The following EPB41 variants were observed in gnomAD, a reference collection of about 807,000 sequenced individuals.
The protein encoded by EPB41 is erythrocyte membrane protein band 4.1, also known as protein 4.1.
Under a neutral mutation model 108.0 loss-of-function variants are expected in EPB41, and 65 were observed. The ratio of observed to expected loss-of-function variants is 0.60; its 90% confidence interval spans 0.49 to 0.74. The LOEUF (loss-of-function observed/expected upper bound fraction) is 0.74. Among genes scored for constraint, EPB41 ranks in the 30% least tolerant of loss-of-function variants. The pLI is 0.00. For synonymous variants in EPB41, 336 were observed against 358.9 expected (o/e 0.94, Z 0.72); for missense variants, 875 against 1,037.0 (o/e 0.84, Z 2.15).
chr1:28,896,357 C>A (rs1317151731), intron 1 of EPB41, among the ~76,000 whole-genome samples: 1 of 152,210 alleles, frequency 6.6e-6, no homozygotes, highest in African/African-American at 2.4e-5. Context: ...GTCTGACAGA[C>A]TCCTGAAGGC....
At chr1:28,927,607 C>T (rs2093520769) in intron 1 of EPB41, among the ~76,000 whole-genome samples, 1 of 152,122 alleles carries the variant, frequency 6.6e-6, no homozygotes, top group East Asian at 1.9e-4. Context: ...GTTTTACATC[C>T]AATCTACAAG....
chr1:29,016,662 C>T (rs1030432206), intron 6 of EPB41, among the ~76,000 whole-genome samples: 2 of 152,032 alleles, frequency 1.3e-5, no homozygotes, highest in Non-Finnish European at 2.9e-5. Flanking sequence ...CTACTGATGT[C>T]TTTTAAGAAA....
chr1:28,924,503 C>T (rs2093330476), intron 1 of EPB41, among the ~76,000 whole-genome samples: 1 of 151,698 alleles, frequency 6.6e-6, no homozygotes, highest in Non-Finnish European at 1.5e-5. Flanking sequence ...CACTCCAGCT[C>T]TGGGTGACAG....
chr1:29,103,773 T>C (rs1666218695), intron 17 of EPB41, among the ~76,000 whole-genome samples: 1 of 152,164 alleles, frequency 6.6e-6, no homozygotes, highest in Non-Finnish European at 1.5e-5. Flanking sequence ...GTTCAAGCAA[T>C]TCTCCAGCCT....
At chr1:29,088,267 A>G (rs531182488) in intron 16 of EPB41, among the ~76,000 whole-genome samples, 14 of 151,994 alleles carry the variant, frequency 9.2e-5, no homozygotes, top group African/African-American at 3.1e-4. Flanking sequence ...GGCTGGTCCT[A>G]AGCTCCTGAC....
At chr1:28,995,865 A>T (rs1005718000) in intron 3 of EPB41, among the ~76,000 whole-genome samples, 9 of 152,214 alleles carry the variant, frequency 5.9e-5, no homozygotes, top group Admixed American at 3.3e-4. Flanking sequence ...GAATGAAAAC[A>T]TGGGAGAAAA....
At chr1:29,064,715 A>G (rs1647048119) in intron 15 of EPB41, among the ~76,000 whole-genome samples, 1 of 152,216 alleles carries the variant, frequency 6.6e-6, no homozygotes, top group South Asian at 2.1e-4. Context: ...ATCATAAATT[A>G]AGGCGTGAGT....
rs60265301 is a variant in EPB41, at chr1:29,033,993, T to C, written c.1365+748T>C. On this transcript the variant is annotated intron_variant, in intron 9 of 20. Transcript: ENST00000343067. ...AGATGACAGCTGTGTAAGTTCTATATAGGAAATGATACTAACCTAAGGTGG... is the reference window on the plus strand; with the variant it reads ...AGATGACAGCTGTGTAAGTTCTATACAGGAAATGATACTAACCTAAGGTGG... 5.6e-3 allele frequency among the ~76,000 whole-genome samples: 857 copies of C among 152,278 alleles called. 7 individuals are homozygous for C. Among genetic ancestry groups the C allele is most frequent in the African/African-American group, 0.018 (734 of 41,548 alleles).
chr1:28,987,885 T>C lies in EPB41; in HGVS notation c.448T>C (p.Leu150=). 1 of 1,614,208 alleles carries C rather than the reference T, an allele frequency of 6.2e-7. No homozygotes were observed. Residue 150 remains leucine (L), a synonymous_variant, in exon 2 of 21, where the codon TTA becomes CTA. Transcript: ENST00000343067. ...KTDPSLDLHS[L]SSAETQPAQE... ...AGACCCATCTTTGGATCTTCATTCA[T>C]TAAGCAGTGCAGAAACACAGGTAAG...
At chr1:29,078,133 C>T (rs937351442) in intron 16 of EPB41, among the ~76,000 whole-genome samples, 14 of 152,006 alleles carry the variant, frequency 9.2e-5, no homozygotes, top group Admixed American at 2.0e-4. Flanking sequence ...GACTGAGAAC[C>T]GCCTGAACCT....
chr1:29,051,803 C>CTG (rs1644560230), intron 11 of EPB41, among the ~76,000 whole-genome samples: 2 of 151,476 alleles, frequency 1.3e-5, no homozygotes, highest in South Asian at 4.2e-4. Context: ...GAGGCTGAGG[C>CTG]AGGAGAATCA....
chr1:28,939,053 C>G (rs2094169272), intron 1 of EPB41, among the ~76,000 whole-genome samples: 1 of 152,148 alleles, frequency 6.6e-6, no homozygotes. Context: ...ACATTCTAGT[C>G]TTATTCCTGA....
chr1:29,058,343 A>G (rs1201890052), intron 12 of EPB41, among the ~76,000 whole-genome samples: 1 of 152,120 alleles, frequency 6.6e-6, no homozygotes, highest in Non-Finnish European at 1.5e-5. Context: ...TACTTACCTT[A>G]ATTTTCTTTT....
At chr1:28,980,420 A>G (rs16837813) in intron 1 of EPB41, among the ~76,000 whole-genome samples, 18,693 of 151,942 alleles carry the variant, frequency 0.12, 1,587 homozygotes, top group African/African-American at 0.25. Context: ...GAAAAAAAAT[A>G]AAGTGCATTA....
chr1:29,033,985 G>A (rs1258828050), intron 9 of EPB41, among the ~76,000 whole-genome samples: 1 of 152,158 alleles, frequency 6.6e-6, no homozygotes, highest in Non-Finnish European at 1.5e-5. Flanking sequence ...AGCTGTGTAA[G>A]TTCTATATAG....
chr1:29,036,763 ACTCCTGGGTTCAAGCAATT>A, intron 10 of EPB41, among the ~76,000 whole-genome samples: 1 of 140,990 alleles, frequency 7.1e-6, no homozygotes, highest in East Asian at 2.1e-4. Flanking sequence ...GCAAACTCCT[ACTCCTGGGTTCAAGCAATT>A]CTCCTGCCCC....
chr1:28,908,298 A>T (rs997583824), intron 1 of EPB41, among the ~76,000 whole-genome samples: 1 of 150,270 alleles, frequency 6.7e-6, no homozygotes, highest in South Asian at 2.1e-4. Context: ...GCTGCTCGGG[A>T]GGCTGAGGCA....
At chr1:28,936,598 G>A (rs1462347989) in intron 1 of EPB41, among the ~76,000 whole-genome samples, 1 of 152,142 alleles carries the variant, frequency 6.6e-6, no homozygotes, top group African/African-American at 2.4e-5. Flanking sequence ...CTTTCTGTTT[G>A]TATGGATTTG....
At chr1:29,024,300 A>G (rs2096687353) in intron 7 of EPB41, among the ~76,000 whole-genome samples, 1 of 151,236 alleles carries the variant, frequency 6.6e-6, no homozygotes, top group Non-Finnish European at 1.5e-5. Flanking sequence ...ATGCCACTGC[A>G]CTCTAGCCTG....
Sources: gnomAD v4.1 joint callset for allele counts (sites outside exome capture counted in the v4.1 genomes callset) on GRCh38, gnomAD v4.1.1 for gene constraint, MANE v1.5 for transcripts, NCBI Gene and HGNC (gene_info 2026-07-23, HGNC 2026-07-21) for gene names.